TTC17: variants seen among roughly 807,000 people sequenced by gnomAD.
TTC17 encodes tetratricopeptide repeat protein 17.
A neutral mutation model predicts 143.8 loss-of-function variants in TTC17; 58 were observed. The ratio of observed to expected loss-of-function variants is 0.40; its 90% CI spans 0.33 to 0.50. TTC17 has a LOEUF of 0.50. Among genes scored for constraint, TTC17 ranks in the 20% least tolerant of loss-of-function variants. The pLI is 0.49. For missense variants in TTC17, 1,273 were observed against 1,392.5 expected (o/e 0.91, Z 1.37); for synonymous variants, 501 against 497.8 (o/e 1.01, Z -0.09).
At chr11:43,379,458 ATGTGTGTGTGTG>A in intron 2 of TTC17, 136 bp downstream of exon 2, 1 of 623,018 alleles carries the variant, frequency 1.6e-6, no homozygotes, top group Non-Finnish European at 2.7e-6. Flanking sequence ...ACTACCTGCA[ATGTGTGTGTGTG>A]TGTGTGTGTG....
At chr11:43,399,649 A>C (rs1857763744) in intron 8 of TTC17, among the ~76,000 whole-genome samples, 1 of 152,184 alleles carries the variant, frequency 6.6e-6, no homozygotes, top group South Asian at 2.1e-4. Flanking sequence ...AGGCCTCTCC[A>C]TCCAGCCTTG....
chr11:43,385,809 TAAA>T (rs1407167359), intron 2 of TTC17: 1 of 149,442 alleles, frequency 6.7e-6, no homozygotes, highest in Admixed American at 6.7e-5. Context: ...TAACCTAATA[TAAA>T]TATGGAAATA....
chr11:43,483,569 ACT>A (rs1948326347), intron 21 of TTC17, among the ~76,000 whole-genome samples: 1 of 152,282 alleles, frequency 6.6e-6, no homozygotes, highest in African/African-American at 2.4e-5. Context: ...AAATGGTCTA[ACT>A]CTAGGAAAAC....
At chr11:43,387,642 T>A (rs1320297106) in intron 2 of TTC17, among the ~76,000 whole-genome samples, 1 of 152,170 alleles carries the variant, frequency 6.6e-6, no homozygotes, top group Admixed American at 6.5e-5. Flanking sequence ...GCAGCCTCTG[T>A]CTGTAATTTT....
intron 21 of TTC17, among the ~76,000 whole-genome samples, chr11:43,473,354 G>T (rs1347187396): frequency 2.0e-5 from 3 of 152,174 alleles, no homozygotes; most frequent in Non-Finnish European, 4.4e-5. Context: ...AGCAATACTT[G>T]AGGGAAGTTT....
intron 18 of TTC17, among the ~76,000 whole-genome samples, chr11:43,444,730 C>CACAG (rs1379547171): frequency 6.6e-6 from 1 of 150,982 alleles, no homozygotes; most frequent in Non-Finnish European, 1.5e-5. Context: ...CATACACACA[C>CACAG]ACACACACAC....
At chr11:43,429,547 T>C (rs1044337103) in intron 16 of TTC17, among the ~76,000 whole-genome samples, 17 of 152,346 alleles carry the variant, frequency 1.1e-4, no homozygotes, top group Non-Finnish European at 2.1e-4. Flanking sequence ...CTGAAAGATA[T>C]ATTTTTGTTC....
At chr11:43,423,505 A>T (rs916777003) in intron 16 of TTC17, among the ~76,000 whole-genome samples, 2 of 152,100 alleles carry the variant, frequency 1.3e-5, no homozygotes, top group African/African-American at 4.8e-5. Context: ...GAGCAGGGTC[A>T]TGAAGTTTAG....
chr11:43,446,890 T>A (rs1418126083), intron 18 of TTC17, among the ~76,000 whole-genome samples: 1 of 152,226 alleles, frequency 6.6e-6, no homozygotes, highest in Non-Finnish European at 1.5e-5. Flanking sequence ...TTTGTAGCTT[T>A]AAATAGCTTG....
At chr11:43,468,746 G>A (rs1948030948) in intron 21 of TTC17, among the ~76,000 whole-genome samples, 1 of 151,968 alleles carries the variant, frequency 6.6e-6, no homozygotes, top group African/African-American at 2.4e-5. Flanking sequence ...ACCAACCAGG[G>A]CAACATAGCA....
intron 23 of TTC17, among the ~76,000 whole-genome samples, chr11:43,493,024 AG>A (rs1948499813): frequency 6.6e-6 from 1 of 152,162 alleles, no homozygotes; most frequent in Non-Finnish European, 1.5e-5. Context: ...TTTGCCAGGG[AG>A]GTATTGCCGA....
intron 21 of TTC17, among the ~76,000 whole-genome samples, chr11:43,463,969 G>A (rs1261941595): frequency 6.6e-6 from 1 of 152,156 alleles, no homozygotes; most frequent in East Asian, 1.9e-4. Flanking sequence ...GCTAAATAGG[G>A]GAAAAGATAA....
intron 10 of TTC17, among the ~76,000 whole-genome samples, chr11:43,403,718 G>A (rs991320258): frequency 1.6e-5 from 2 of 126,910 alleles, no homozygotes; most frequent in Non-Finnish European, 3.8e-5. Context: ...AACCTAAAGA[G>A]ACTAAATCAT....
chr11:43,449,539 G>A (rs1947616531), intron 19 of TTC17: 1 of 152,250 alleles, frequency 6.6e-6, no homozygotes, highest in Non-Finnish European at 1.5e-5. Context: ...GGTAACAGCA[G>A]GGACTAACTA....
At chr11:43,421,979 T>G (rs576448686) in intron 16 of TTC17, among the ~76,000 whole-genome samples, 32 of 152,252 alleles carry the variant, frequency 2.1e-4, no homozygotes, top group Admixed American at 3.9e-4. Context: ...ATAATTCCTC[T>G]GGTTGCTCTG....
intron 1 of TTC17, among the ~76,000 whole-genome samples, chr11:43,377,891 GGTTTT>G (rs913211001): frequency 2.6e-5 from 4 of 151,460 alleles, no homozygotes; most frequent in African/African-American, 7.3e-5. Flanking sequence ...TTTGTTTTTT[GGTTTT>G]GTTTTGTTTT....
chr11:43,380,437 G>A (rs528146189), intron 2 of TTC17, among the ~76,000 whole-genome samples: 2 of 152,228 alleles, frequency 1.3e-5, no homozygotes, highest in South Asian at 4.1e-4. Flanking sequence ...TGTGCTTTTA[G>A]TAGAGACGGC....
At chr11:43,422,602 T>A (rs1414148648) in intron 16 of TTC17, among the ~76,000 whole-genome samples, 1 of 152,070 alleles carries the variant, frequency 6.6e-6, no homozygotes, top group Non-Finnish European at 1.5e-5. Context: ...GAAAAACCAT[T>A]GAAGTATTTT....
At chr11:43,465,692 A>T (rs971085884) in intron 21 of TTC17, among the ~76,000 whole-genome samples, 1 of 152,208 alleles carries the variant, frequency 6.6e-6, no homozygotes. Context: ...TGGGGAAAAG[A>T]TGGTCTCTTC....
Sources: allele counts gnomAD v4.1 joint callset (sites outside exome capture counted in the v4.1 genomes callset), GRCh38; gene constraint gnomAD v4.1.1; transcripts MANE v1.5; gene names NCBI Gene and HGNC (gene_info 2026-07-23, HGNC 2026-07-21).